Variants in CCDC33 observed in about 807,000 individuals in gnomAD.
CCDC33 encodes the protein coiled-coil domain-containing protein 33.
In CCDC33, 94 loss-of-function variants were observed where a neutral mutation model predicts 91.9. The observed-to-expected ratio is 1.02, with a 90% CI of 0.87 to 1.21. The LOEUF (loss-of-function observed/expected upper bound fraction) is 1.21, where lower values mean the gene tolerates loss of function less well. CCDC33 is among the 50% of genes most tolerant of loss of function. CCDC33 has a pLI of 0.00. For missense variants in CCDC33, 940 were observed against 935.5 expected (o/e 1.00, Z -0.06); for synonymous variants, 396 against 374.5 (o/e 1.06, Z -0.66).
intron 11 of CCDC33, chr15:74,301,553 G>C (rs2059795683): frequency 6.6e-6 from 1 of 152,388 alleles, no homozygotes; most frequent in South Asian, 2.1e-4. Context: ...CAAAGGAGGG[G>C]CATGGTTGGG....
chr15:74,327,208 C>T (rs1206707767), intron 11 of CCDC33, among the ~76,000 whole-genome samples: 1 of 152,118 alleles, frequency 6.6e-6, no homozygotes, highest in East Asian at 1.9e-4. Flanking sequence ...GGACTAGTCT[C>T]CGAGGAGTGG....
At chr15:74,311,513 G>A (rs948034884) in intron 11 of CCDC33, 3 of 152,256 alleles carry the variant, frequency 2.0e-5, no homozygotes, top group Admixed American at 6.5e-5. Context: ...GTTTAACAAA[G>A]TTGGAGTTAT....
At chr15:74,292,594 C>G (rs1013986652) in intron 10 of CCDC33, among the ~76,000 whole-genome samples, 2 of 152,206 alleles carry the variant, frequency 1.3e-5, no homozygotes, top group South Asian at 2.1e-4. Context: ...ATAAAATTCA[C>G]CTCTCCACCT....
intron 11 of CCDC33, among the ~76,000 whole-genome samples, chr15:74,324,789 C>T (rs2060275802): frequency 1.3e-5 from 2 of 151,006 alleles, no homozygotes; most frequent in Admixed American, 6.6e-5. Context: ...ACGCTCCTCC[C>T]CCAACCCAGC....
chr15:74,267,323 C>T (rs2076192296), intron 4 of CCDC33, among the ~76,000 whole-genome samples: 1 of 152,230 alleles, frequency 6.6e-6, no homozygotes, highest in South Asian at 2.1e-4. Context: ...GCTGCCTCCA[C>T]ATGCTGCCTT....
At chr15:74,266,850 C>A in intron 4 of CCDC33, 63 bp downstream of exon 4, 1 of 1,259,900 alleles carries the variant, frequency 7.9e-7, no homozygotes, top group Non-Finnish European at 1.2e-6. Context: ...ATGTCCCCAG[C>A]TATTCCCTCG....
At chr15:74,333,416 C>A in intron 16 of CCDC33, 1 of 907,260 alleles carries the variant, frequency 1.1e-6, no homozygotes, top group Non-Finnish European at 1.8e-6. Flanking sequence ...CAAAGCAGAA[C>A]ATTTGGAATC....
At chr15:74,230,071 A>G (rs954966423) in intron 2 of CCDC33, among the ~76,000 whole-genome samples, 2 of 152,242 alleles carry the variant, frequency 1.3e-5, no homozygotes, top group African/African-American at 4.8e-5. Flanking sequence ...TGAAGGCCTG[A>G]AGGCTGGAGA....
chr15:74,330,984 A>T lies in CCDC33; in HGVS notation c.1549A>T (p.Asn517Tyr), dbSNP rs1200464412. 8.8e-6 allele frequency: 14 copies of T among 1,583,616 alleles called. No homozygotes were observed. The highest frequency in any genetic ancestry group is 2.7e-5 in the African/African-American group (2 of 73,988). ...QHLQNELIRK[N>Y]DREKELLLLY... ...TCTCTCCTCCCCCATCTCACAGAAGAATGATCGAGAGAAGGAGCTGCTCCT... is the reference window on the plus strand; with the variant it reads ...TCTCTCCTCCCCCATCTCACAGAAGTATGATCGAGAGAAGGAGCTGCTCCT... The change falls in exon 14 of 19, where the codon AAT (asparagine) becomes TAT (tyrosine). Residue 517 changes from asparagine to tyrosine, a missense_variant. Physicochemically the swap from Asn to Tyr is moderately radical, Grantham distance 143 (BLOSUM62 -2). Transcript: ENST00000398814.
chr15:74,297,493 G>A (rs953803790), intron 11 of CCDC33, among the ~76,000 whole-genome samples: 6 of 152,088 alleles, frequency 3.9e-5, no homozygotes, highest in African/African-American at 1.2e-4. Context: ...AGAAGTTTGA[G>A]ACCAGCCCTG....
In CCDC33 at chr15:74,218,558, C is replaced by T. The variant is rs890250748; in HGVS notation, c.372C>T (p.Asp124=). The change falls in exon 2 of 3, where the codon GAC becomes GAT. Residue 124 remains aspartate (D), a synonymous_variant. Coordinates refer to the CCDC33 transcript ENST00000635913. This position sits in a 1 kb window ranked among gnomAD's most constrained non-coding sequence, Gnocchi z 4.8. The stretch of plus-strand genomic sequence containing the variant: ...TGCATGTGGAGGCACTGAGGCTGGA[C>T]GAACCCTTGGGACGGGCAGCCCAGC... 45 of 1,289,598 alleles carry T rather than the reference C, an allele frequency of 3.5e-5. No homozygotes were observed. Among genetic ancestry groups the T allele is most frequent in the Non-Finnish European group, 4.4e-5 (44 of 988,832 alleles). The allele number at this position is 1,289,598 out of a possible 1,614,324, so 79.9% of individuals were successfully genotyped here.
chr15:74,262,261 C>T (rs2076044440), intron 2 of CCDC33, among the ~76,000 whole-genome samples, 179 bp from the exon 3 acceptor site: 1 of 152,126 alleles, frequency 6.6e-6, no homozygotes, highest in Non-Finnish European at 1.5e-5. Flanking sequence ...GTGTGGTCAC[C>T]TGGGCTGGCA....
chr15:74,221,189 C>T, intron 2 of CCDC33: 3 of 964,032 alleles, frequency 3.1e-6, no homozygotes, highest in Non-Finnish European at 3.6e-6. Context: ...ACAAGTTGTT[C>T]TCCAGTTTGT....
chr15:74,330,616 CT>C (rs753476443), intron 12 of CCDC33, 46 bp from the exon 13 acceptor site: 42 of 1,458,692 alleles, frequency 2.9e-5, no homozygotes, highest in Non-Finnish European at 3.9e-5. Context: ...CTGATTTGAG[CT>C]GGGAGAGGCT....
In CCDC33 at chr15:74,316,153, C is replaced by A. The variant is rs2142776170; in HGVS notation, c.1291-14036C>A. ...CGTTTTATAGATGAAATGCCTGAGA[C>A]CAGGCGGGAGCCCCTGGGGCCTCCC... On this transcript the variant is annotated intron_variant, in intron 11 of 18. Coordinates refer to ENST00000398814, the MANE Select transcript of CCDC33 (RefSeq NM_025055.5). This position sits in a 1 kb window ranked among gnomAD's most constrained non-coding sequence, Gnocchi z 4.7. 6.6e-6 allele frequency among the ~76,000 whole-genome samples: 1 copy of A among 152,254 alleles called. No homozygotes were observed. Among genetic ancestry groups the A allele is most frequent in the African/African-American group, 2.4e-5 (1 of 41,552 alleles).
intron 1 of CCDC33, among the ~76,000 whole-genome samples, chr15:74,243,370 A>G (rs1055361609): frequency 8.5e-5 from 13 of 152,248 alleles, no homozygotes; most frequent in African/African-American, 3.1e-4. Flanking sequence ...CTGCAAAAGC[A>G]GGTGGGATTT....
intron 10 of CCDC33, among the ~76,000 whole-genome samples, chr15:74,289,298 C>A (rs977174643): frequency 3.9e-5 from 6 of 152,214 alleles, no homozygotes; most frequent in Admixed American, 6.5e-5. Context: ...CTCAATGTAC[C>A]CTGCCCTGAG....
intron 1 of CCDC33, among the ~76,000 whole-genome samples, chr15:74,239,551 A>C (rs1749877106): frequency 6.6e-6 from 1 of 152,162 alleles, no homozygotes; most frequent in South Asian, 2.1e-4. Flanking sequence ...GGAGTAGCTG[A>C]GAGTGCTGAG....
chr15:74,217,731 G>C (rs531255612), intron 1 of CCDC33: 80 of 536,564 alleles, frequency 1.5e-4, no homozygotes, highest in Admixed American at 1.2e-3. Flanking sequence ...TGTGACCTTG[G>C]GCAAATTCTG....
Sources: gnomAD v4.1 joint callset for allele counts (sites outside exome capture counted in the v4.1 genomes callset) on GRCh38, gnomAD v4.1.1 for gene constraint, Gnocchi (gnomAD v3.1) non-coding constraint, MANE v1.5 for transcripts, NCBI Gene and HGNC (gene_info 2026-07-23, HGNC 2026-07-21) for gene names.